Variants in KCNH7 observed in about 807,000 individuals in gnomAD.
The protein encoded by KCNH7 is potassium voltage-gated channel subfamily H member 7.
In KCNH7, 49 loss-of-function variants were observed where a neutral mutation model predicts 120.8. The ratio of observed to expected loss-of-function variants is 0.41; its 90% CI spans 0.32 to 0.51. The LOEUF is 0.51. Among genes scored for constraint, KCNH7 ranks in the 20% least tolerant of loss-of-function variants. KCNH7 has a pLI of 0.38. For synonymous variants in KCNH7, 547 were observed against 516.1 expected (o/e 1.06, Z -0.81); for missense variants, 1,097 against 1,446.6 (o/e 0.76, Z 3.92).
At chr2:162,606,559 G>A (rs1417811760) in intron 2 of KCNH7, among the ~76,000 whole-genome samples, 1 of 152,104 alleles carries the variant, frequency 6.6e-6, no homozygotes. Flanking sequence ...AGTAAAATAA[G>A]GGATAGTTAA....
At chr2:162,418,920 C>T (rs866191646) in intron 9 of KCNH7, among the ~76,000 whole-genome samples, 14 of 151,998 alleles carry the variant, frequency 9.2e-5, no homozygotes, top group African/African-American at 2.4e-4. Flanking sequence ...TGTCACTCAG[C>T]ATCTCACTAT....
At chr2:162,784,606 GACCTT>G (rs1397575296) in intron 2 of KCNH7, 1 of 152,012 alleles carries the variant, frequency 6.6e-6, no homozygotes, top group Non-Finnish European at 1.5e-5. Context: ...GTAGTGGAAA[GACCTT>G]AAGCCAGAGA....
chr2:162,556,622 C>A (rs1373478454), intron 2 of KCNH7, among the ~76,000 whole-genome samples: 3 of 152,158 alleles, frequency 2.0e-5, no homozygotes, highest in East Asian at 1.9e-4. Context: ...GGAGAATGGA[C>A]ATTTGAAAAT....
chr2:162,610,735 A>G (rs890742646), intron 2 of KCNH7, among the ~76,000 whole-genome samples: 14 of 152,300 alleles, frequency 9.2e-5, no homozygotes, highest in Admixed American at 5.2e-4. Flanking sequence ...TATTCTGAAA[A>G]TTAGTAATGT....
intron 2 of KCNH7, among the ~76,000 whole-genome samples, chr2:162,787,642 C>G (rs1683760474): frequency 1.3e-5 from 2 of 152,196 alleles, no homozygotes; most frequent in Non-Finnish European, 2.9e-5. Flanking sequence ...CAAGTCTTTC[C>G]CATGGATCAA....
At chr2:162,529,024 A>G (rs1691820615) in intron 3 of KCNH7, among the ~76,000 whole-genome samples, 1 of 151,912 alleles carries the variant, frequency 6.6e-6, no homozygotes, top group Non-Finnish European at 1.5e-5. Flanking sequence ...GTGGGATGAA[A>G]TGGATGGTAG....
At chr2:162,695,637 T>C (rs1417139158) in intron 2 of KCNH7, among the ~76,000 whole-genome samples, 1 of 152,098 alleles carries the variant, frequency 6.6e-6, no homozygotes, top group African/African-American at 2.4e-5. Flanking sequence ...AGCAGTTTAA[T>C]CTGGGGATGG....
intron 4 of KCNH7, among the ~76,000 whole-genome samples, chr2:162,515,760 A>G (rs763569731): frequency 4.4e-4 from 67 of 151,866 alleles, no homozygotes; most frequent in Non-Finnish European, 2.5e-4. Context: ...TGATTATCCA[A>G]TTTGGGAATT....
At chr2:162,692,124 G>GTT (rs71410029) in intron 2 of KCNH7, among the ~76,000 whole-genome samples, 18,639 of 144,578 alleles carry the variant, frequency 0.13, 1,379 homozygotes, top group East Asian at 0.34. Flanking sequence ...ACAACATTGA[G>GTT]TTTTTTTTTT....
At chr2:162,741,626 TG>T (rs1688141320) in intron 2 of KCNH7, among the ~76,000 whole-genome samples, 1 of 152,146 alleles carries the variant, frequency 6.6e-6, no homozygotes, top group Non-Finnish European at 1.5e-5. Context: ...ATGTCAAGTA[TG>T]AACATGTCAG....
chr2:162,400,527 G>T, intron 9 of KCNH7, 86 bp from the exon 10 acceptor site: 2 of 1,382,048 alleles, frequency 1.4e-6, no homozygotes, highest in Non-Finnish European at 2.0e-6. Flanking sequence ...TCACAGAACT[G>T]CAGGTGTAGT....
At chr2:162,464,551 A>G (rs1689248890) in intron 6 of KCNH7, among the ~76,000 whole-genome samples, 1 of 152,012 alleles carries the variant, frequency 6.6e-6, no homozygotes, top group African/African-American at 2.4e-5. Context: ...ATATAACTAT[A>G]TCCATGTCCC....
intron 2 of KCNH7, among the ~76,000 whole-genome samples, chr2:162,685,905 TACTC>T (rs1305085468): frequency 1.3e-4 from 20 of 152,188 alleles, no homozygotes; most frequent in South Asian, 1.2e-3. Context: ...GATTGATTGT[TACTC>T]AGTCAGGAAA....
chr2:162,680,732 A>G (rs530038361), intron 2 of KCNH7, among the ~76,000 whole-genome samples: 1 of 151,872 alleles, frequency 6.6e-6, no homozygotes, highest in Non-Finnish European at 1.5e-5. Context: ...TGCGGGTGTC[A>G]GTTATTAAAT....
chr2:162,563,700 G>T (rs562103265), intron 2 of KCNH7, among the ~76,000 whole-genome samples: 1 of 152,040 alleles, frequency 6.6e-6, no homozygotes, highest in East Asian at 1.9e-4. Context: ...TTGGCTGTTG[G>T]GTGAAAGCAT....
chr2:162,680,994 C>T (rs1470456426), intron 2 of KCNH7, among the ~76,000 whole-genome samples: 2 of 151,572 alleles, frequency 1.3e-5, no homozygotes, highest in Non-Finnish European at 3.0e-5. Flanking sequence ...TTTATTTAAT[C>T]ATTAAAAACA....
chr2:162,503,490 T>C (rs1436262114), intron 6 of KCNH7, among the ~76,000 whole-genome samples: 1 of 152,010 alleles, frequency 6.6e-6, no homozygotes, highest in Non-Finnish European at 1.5e-5. Flanking sequence ...TCATCTCAAA[T>C]AAATATAGAC....
intron 2 of KCNH7, among the ~76,000 whole-genome samples, chr2:162,670,732 C>CA (rs1221173430): frequency 4.8e-5 from 7 of 147,156 alleles, no homozygotes; most frequent in East Asian, 4.0e-4. Context: ...GAAATAAGAC[C>CA]AAAAAAAACC....
chr2:162,791,934 T>A (rs1683961295), intron 2 of KCNH7, among the ~76,000 whole-genome samples: 2 of 152,162 alleles, frequency 1.3e-5, no homozygotes, highest in African/African-American at 4.8e-5. Context: ...AGATGGCTCT[T>A]ATTATATTGA....
Sources: allele counts gnomAD v4.1 joint callset (sites outside exome capture counted in the v4.1 genomes callset), GRCh38; gene constraint gnomAD v4.1.1; transcripts MANE v1.5; gene names NCBI Gene and HGNC (gene_info 2026-07-23, HGNC 2026-07-21).